Variants in ADAMTS12 observed in about 807,000 individuals in gnomAD.
ADAMTS12 encodes A disintegrin and metalloproteinase with thrombospondin motifs 12.
Under a neutral mutation model 167.8 loss-of-function variants are expected in ADAMTS12, and 118 were observed. That is an observed-to-expected ratio of 0.70 (90% CI 0.61 to 0.82). The LOEUF (loss-of-function observed/expected upper bound fraction) is 0.82, where lower values mean the gene tolerates loss of function less well. Ranked by LOEUF, ADAMTS12 falls within the 40% of genes least tolerant of loss-of-function variation. ADAMTS12 has a pLI of 0.00. For missense variants in ADAMTS12, 1,916 were observed against 1,998.8 expected, an observed-to-expected ratio of 0.96 and a Z score of 0.79; for synonymous variants, 704 against 716.9, an observed-to-expected ratio of 0.98 and a Z score of 0.29.
At chr5:33,640,790 T>C (rs981009062) in intron 11 of ADAMTS12, among the ~76,000 whole-genome samples, 3 of 150,856 alleles carry the variant, frequency 2.0e-5, no homozygotes, top group African/African-American at 7.3e-5. Flanking sequence ...TACTAACTTA[T>C]TAACCCTTAG....
chr5:33,542,556 A>T (rs1744759490), intron 22 of ADAMTS12, among the ~76,000 whole-genome samples: 1 of 152,228 alleles, frequency 6.6e-6, no homozygotes, highest in Non-Finnish European at 1.5e-5. Context: ...TCAACAGAAG[A>T]TACATTCTTC....
intron 2 of ADAMTS12, among the ~76,000 whole-genome samples, chr5:33,777,794 A>C (rs771258029): frequency 4.6e-5 from 7 of 152,078 alleles, no homozygotes; most frequent in African/African-American, 1.7e-4. Context: ...TCCACCAAAA[A>C]AAAAGTTACA....
intron 5 of ADAMTS12, among the ~76,000 whole-genome samples, chr5:33,681,871 G>A (rs568132127): frequency 6.6e-6 from 1 of 152,280 alleles, no homozygotes; most frequent in African/African-American, 2.4e-5. Context: ...GTAGATGGAG[G>A]AAAGATCATG....
At chr5:33,538,486 C>T (rs904607449) in intron 22 of ADAMTS12, among the ~76,000 whole-genome samples, 1 of 152,058 alleles carries the variant, frequency 6.6e-6, no homozygotes, top group African/African-American at 2.4e-5. Flanking sequence ...TTCTTGTTGC[C>T]AATGAGACAT....
At chr5:33,745,573 C>T (rs1384475696) in intron 3 of ADAMTS12, among the ~76,000 whole-genome samples, 1 of 152,076 alleles carries the variant, frequency 6.6e-6, no homozygotes, top group African/African-American at 2.4e-5. Context: ...ACAGAGCATC[C>T]TGGAGGAGAT....
intron 2 of ADAMTS12, among the ~76,000 whole-genome samples, chr5:33,848,941 C>T (rs1457428757): frequency 6.8e-6 from 1 of 147,384 alleles, no homozygotes; most frequent in Non-Finnish European, 1.5e-5. Flanking sequence ...TTCATCTAAG[C>T]TGTTGAGAAG....
rs149007920 is a variant in ADAMTS12, at chr5:33,817,601, C to T, written c.489+63518G>A. Among the ~76,000 whole-genome samples, 21 of 152,266 alleles carry T rather than the reference C, an allele frequency of 1.4e-4. No individual in the cohort carries two copies. The East Asian group carries it at 4.1e-3, about 29-fold the overall frequency. On this transcript the variant is annotated intron_variant, in intron 2 of 23. Coordinates refer to ENST00000504830, the MANE Select transcript of ADAMTS12 (RefSeq NM_030955.4). Reference sequence around the variant, plus strand: ...GACAATCTCATTTAATCTATACCCACCCACTTCCCCCAAACCACATCCTGG... The same window carrying T: ...GACAATCTCATTTAATCTATACCCATCCACTTCCCCCAAACCACATCCTGG...
Position 33,790,565 on chromosome 5 carries a change from AAAAAAAG to A in ADAMTS12, c.490-39024_490-39018del, listed in dbSNP as rs1293368711. Among the ~76,000 whole-genome samples, 11 of 150,882 alleles carry A rather than the reference AAAAAAAG, an allele frequency of 7.3e-5. No individual in the cohort carries two copies. The East Asian group carries it at 1.6e-3, about 21-fold the overall frequency. On this transcript the variant is annotated intron_variant, in intron 2 of 23. Coordinates refer to ENST00000504830, the MANE Select transcript of ADAMTS12 (RefSeq NM_030955.4). The stretch of plus-strand genomic sequence containing the variant: ...AGCAAGACTCCATCTCAAAAAAAAA[AAAAAAAG>A]AAAAAAGAAAAAAGAATGTCCCACA...
rs184669373 is a variant in ADAMTS12 at position 33,820,500 on chromosome 5, A to G, written c.489+60619T>C. On this transcript the variant is annotated intron_variant, in intron 2 of 23. Coordinates refer to ENST00000504830, the MANE Select transcript of ADAMTS12 (RefSeq NM_030955.4). ...TGCACAACATCTAAAGACAACTGAT[A>G]AACAGTTTATTGGTAGAGGAGATAA... Among the ~76,000 whole-genome samples the G allele has an allele frequency of 1.3e-4, 20 of 152,318 alleles. No homozygotes were observed. In the East Asian group the frequency reaches 3.3e-3, roughly 25 times the overall value.
chr5:33,703,321 T>C (rs1156914101), intron 3 of ADAMTS12, among the ~76,000 whole-genome samples: 1 of 152,242 alleles, frequency 6.6e-6, no homozygotes, highest in Non-Finnish European at 1.5e-5. Context: ...TGTATACCCA[T>C]GATACCATCA....
chr5:33,824,534 T>C (rs1350887569), intron 2 of ADAMTS12, among the ~76,000 whole-genome samples: 2 of 152,120 alleles, frequency 1.3e-5, no homozygotes, highest in African/African-American at 2.4e-5. Flanking sequence ...ACCTAAAGAA[T>C]AGATTCCTCC....
chr5:33,826,255 A>G (rs1298731574), intron 2 of ADAMTS12, among the ~76,000 whole-genome samples: 1 of 152,148 alleles, frequency 6.6e-6, no homozygotes, highest in Non-Finnish European at 1.5e-5. Context: ...TAGTGTGCTT[A>G]GCAAAGAACT....
At chr5:33,663,312 AG>A (rs1459455936) in intron 5 of ADAMTS12, among the ~76,000 whole-genome samples, 2 of 152,184 alleles carry the variant, frequency 1.3e-5, no homozygotes, top group Non-Finnish European at 2.9e-5. Flanking sequence ...CAATTCAACC[AG>A]CCAAGCTGTT....
chr5:33,661,243 T>C (rs1315396192), intron 6 of ADAMTS12, among the ~76,000 whole-genome samples: 1 of 152,194 alleles, frequency 6.6e-6, no homozygotes, highest in Non-Finnish European at 1.5e-5. Context: ...GCTCAATAAA[T>C]ATTTATTGAA....
chr5:33,876,556 C>T (rs1750234399), intron 2 of ADAMTS12, among the ~76,000 whole-genome samples: 1 of 151,958 alleles, frequency 6.6e-6, no homozygotes, highest in Non-Finnish European at 1.5e-5. Flanking sequence ...AACAATCAGA[C>T]ATCCATAGGC....
intron 2 of ADAMTS12, among the ~76,000 whole-genome samples, chr5:33,756,514 T>A (rs10472891): frequency 3.3e-4 from 50 of 152,114 alleles, no homozygotes; most frequent in African/African-American, 1.2e-3. Flanking sequence ...GCCAAAATAA[T>A]AAGTCAGCAG....
intron 2 of ADAMTS12, among the ~76,000 whole-genome samples, chr5:33,838,104 T>C (rs1405233701): frequency 6.6e-6 from 1 of 152,208 alleles, no homozygotes; most frequent in East Asian, 1.9e-4. Context: ...GAAGCTCCCC[T>C]GTGCCTCATG....
chr5:33,641,986 A>G, intron 10 of ADAMTS12, 31 bp from the exon 11 acceptor site: 1 of 1,583,638 alleles, frequency 6.3e-7, no homozygotes, highest in Non-Finnish European at 8.6e-7. Flanking sequence ...AGATGGCCGT[A>G]TCAGGAAGGT....
chr5:33,690,954 C>T (rs769249775), intron 3 of ADAMTS12, among the ~76,000 whole-genome samples: 14 of 152,192 alleles, frequency 9.2e-5, no homozygotes, highest in South Asian at 2.1e-4. Context: ...AGTAATCAAC[C>T]GAGTGGATAA....
Sources: allele counts gnomAD v4.1 joint callset (sites outside exome capture counted in the v4.1 genomes callset), GRCh38; gene constraint gnomAD v4.1.1; transcripts MANE v1.5; gene names NCBI Gene and HGNC (gene_info 2026-07-23, HGNC 2026-07-21).